SSH2: variants seen among roughly 807,000 people sequenced by gnomAD.
The protein encoded by SSH2 is slingshot protein phosphatase 2.
SSH2 carries 37 observed loss-of-function variants against 135.2 expected under a neutral mutation model. That is an observed-to-expected ratio of 0.27 (90% CI 0.21 to 0.36). The LOEUF is 0.36. SSH2 is among the 10% of genes least tolerant of loss of function. SSH2 has a pLI of 1.00. For synonymous variants in SSH2, 628 were observed against 646.2 expected, an observed-to-expected ratio of 0.97 and a Z score of 0.43; for missense variants, 1,408 against 1,765.3, an observed-to-expected ratio of 0.80 and a Z score of 3.63.
intron 3 of SSH2, among the ~76,000 whole-genome samples, chr17:29,725,443 G>A (rs1388135733): frequency 2.0e-5 from 3 of 150,038 alleles, no homozygotes; most frequent in Admixed American, 6.6e-5. Flanking sequence ...CATGCCACAT[G>A]CACATGTATG....
rs1163440998 is a variant in SSH2 at position 29,677,745 on chromosome 17, C to T, written c.480-4G>A. On this transcript the variant is annotated splice_polypyrimidine_tract_variant and splice_region_variant and intron_variant, in intron 6 of 15. Transcript: ENST00000540801. ...TAAGCCCATGGTACAAGTGCTACTG[C>T]AAGACAAGAAGTAGTCCAATAGTTA... 1.2e-6 allele frequency: 2 copies of T among 1,613,086 alleles called. No individual in the cohort carries two copies. Among genetic ancestry groups the T allele is most frequent in the Admixed American group, 1.7e-5 (1 of 60,010 alleles).
chr17:29,674,055 A>G (rs115309885), intron 8 of SSH2: 1 of 456,676 alleles, frequency 2.2e-6, no homozygotes, highest in African/African-American at 2.0e-5. Context: ...AAGATCATGC[A>G]AAATGATAAG....
chr17:29,773,703 G>GT (rs1230378892), intron 3 of SSH2, among the ~76,000 whole-genome samples: 5 of 152,168 alleles, frequency 3.3e-5, no homozygotes, highest in African/African-American at 7.2e-5. Context: ...TTTAGATGGA[G>GT]TTTTGCTCTT....
At position 29,818,913 on chromosome 17, in the gene SSH2, A is replaced by T. The variant is rs939027955; in HGVS notation, c.145-24976T>A. 8.6e-5 allele frequency among the ~76,000 whole-genome samples: 13 copies of T among 152,034 alleles called. No homozygotes were observed. In the South Asian group the frequency reaches 2.1e-3, roughly 24 times the overall value. On this transcript the variant is annotated intron_variant, in intron 2 of 15. Coordinates refer to ENST00000540801, the MANE Select transcript of SSH2 (RefSeq NM_001282129.2). ...GACCACATCTCTACAAAAAAAAAAA[A>T]TTTAATTCTTTGTTTAAAAAAAGGC...
intron 2 of SSH2, among the ~76,000 whole-genome samples, chr17:29,819,769 G>C (rs1333479003): frequency 2.0e-5 from 3 of 152,054 alleles, no homozygotes; most frequent in Non-Finnish European, 2.9e-5. Context: ...TGAATACTTG[G>C]TATGCACAAT....
chr17:29,666,688 C>A (rs556047748), intron 11 of SSH2, among the ~76,000 whole-genome samples, 179 bp downstream of exon 11: 8 of 152,218 alleles, frequency 5.3e-5, no homozygotes, highest in African/African-American at 1.7e-4. Context: ...CACACACACG[C>A]ACACACACAC....
chr17:29,798,137 C>T (rs1239026642), intron 2 of SSH2, among the ~76,000 whole-genome samples: 1 of 152,104 alleles, frequency 6.6e-6, no homozygotes, highest in African/African-American at 2.4e-5. Context: ...TTCTTAAAAA[C>T]CTTTGCCTAC....
intron 3 of SSH2, chr17:29,780,429 G>C (rs1423464939): frequency 7.3e-6 from 1 of 136,976 alleles, no homozygotes; most frequent in Non-Finnish European, 1.5e-5. Flanking sequence ...GTATGAGATT[G>C]TTTCAATTTT....
chr17:29,849,852 A>C (rs2065518676), intron 1 of SSH2, among the ~76,000 whole-genome samples: 2 of 85,932 alleles, frequency 2.3e-5, no homozygotes, highest in South Asian at 4.0e-4. Flanking sequence ...AAAAAAAAAA[A>C]AAAGTATATA....
chr17:29,920,613 C>G (rs1371991028), intron 1 of SSH2, among the ~76,000 whole-genome samples: 1 of 152,082 alleles, frequency 6.6e-6, no homozygotes, highest in Non-Finnish European at 1.5e-5. Context: ...CTAAGAAAAG[C>G]TGCTATTTGG....
At chr17:29,741,216 C>T (rs891513291) in intron 3 of SSH2, among the ~76,000 whole-genome samples, 1 of 152,156 alleles carries the variant, frequency 6.6e-6, no homozygotes, top group Non-Finnish European at 1.5e-5. Flanking sequence ...ATTTCAGAAG[C>T]ATTAGAAATA....
At chr17:29,658,735 C>G (rs570531615) in intron 11 of SSH2, among the ~76,000 whole-genome samples, 2 of 151,876 alleles carry the variant, frequency 1.3e-5, no homozygotes, top group Non-Finnish European at 2.9e-5. Flanking sequence ...GGTGTGGTGA[C>G]GCATGCCTGT....
chr17:29,643,086 T>G, intron 14 of SSH2: 1 of 972,464 alleles, frequency 1.0e-6, no homozygotes, highest in Non-Finnish European at 1.2e-6. Flanking sequence ...CTAAGGATTT[T>G]CCTCTCCTGC....
In SSH2 at chr17:29,856,339, A is replaced by G. The variant is rs569327436; in HGVS notation, c.64-7410T>C. On this transcript the variant is annotated intron_variant, in intron 1 of 15. Coordinates refer to ENST00000540801, the MANE Select transcript of SSH2 (RefSeq NM_001282129.2). ...TTAGCAGGCTGATGAATAAGATCTAAGAGTTGTCCAGCTACAGCAACAAGA... is the reference window on the plus strand; with the variant it reads ...TTAGCAGGCTGATGAATAAGATCTAGGAGTTGTCCAGCTACAGCAACAAGA... 3.5e-4 allele frequency: 78 copies of G among 225,410 alleles called. No individual in the cohort carries two copies. In the East Asian group the frequency reaches 0.01, roughly 30 times the overall value. 14.0% of individuals were successfully genotyped at this position (225,410 alleles called of 1,614,324 possible).
intron 2 of SSH2, among the ~76,000 whole-genome samples, chr17:29,813,963 C>A (rs2042499875): frequency 6.9e-6 from 1 of 145,836 alleles, no homozygotes; most frequent in African/African-American, 2.5e-5. Context: ...AACCCTGTCT[C>A]TACTAAAAAT....
chr17:29,842,211 T>C (rs1157823052), intron 2 of SSH2, among the ~76,000 whole-genome samples: 2 of 152,000 alleles, frequency 1.3e-5, no homozygotes, highest in Non-Finnish European at 2.9e-5. Context: ...CCCAGCACTC[T>C]GGGAGGCCGA....
At chr17:29,634,020 G>A (rs1371771237) in intron 15 of SSH2, among the ~76,000 whole-genome samples, 2 of 152,202 alleles carry the variant, frequency 1.3e-5, no homozygotes, top group Non-Finnish European at 2.9e-5. Flanking sequence ...CCCAGTATGT[G>A]CATGGGCCAT....
intron 3 of SSH2, among the ~76,000 whole-genome samples, chr17:29,752,503 C>T (rs1281527918): frequency 6.6e-6 from 1 of 151,956 alleles, no homozygotes; most frequent in African/African-American, 2.4e-5. Context: ...TTTTCCCTCA[C>T]ACTATAAATA....
At chr17:29,781,340 G>C (rs748490589) in intron 3 of SSH2, among the ~76,000 whole-genome samples, 1 of 151,906 alleles carries the variant, frequency 6.6e-6, no homozygotes, top group Non-Finnish European at 1.5e-5. Flanking sequence ...AATAAACAGA[G>C]CAAATACACA....
Sources: gnomAD v4.1 joint callset for allele counts (sites outside exome capture counted in the v4.1 genomes callset) on GRCh38, gnomAD v4.1.1 for gene constraint, MANE v1.5 for transcripts, NCBI Gene and HGNC (gene_info 2026-07-23, HGNC 2026-07-21) for gene names.